ZBTB20: variants seen among roughly 807,000 people sequenced by gnomAD.
ZBTB20 encodes the protein zinc finger and BTB domain-containing protein 20.
ZBTB20 carries 9 observed loss-of-function variants against 56.9 expected under a neutral mutation model. The ratio of observed to expected loss-of-function variants is 0.16; its 90% CI spans 0.10 to 0.28. The LOEUF (loss-of-function observed/expected upper bound fraction) is 0.28. Ranked by LOEUF, ZBTB20 falls within the 10% of genes least tolerant of loss-of-function variation. The pLI is 1.00. For synonymous variants in ZBTB20, 417 were observed against 420.7 expected (o/e 0.99, Z 0.11); for missense variants, 655 against 1,003.0 (o/e 0.65, Z 4.69).
At chr3:114,346,806 G>A (rs1192125853) in intron 11 of ZBTB20, among the ~76,000 whole-genome samples, 2 of 148,030 alleles carry the variant, frequency 1.4e-5, no homozygotes, top group African/African-American at 2.5e-5. Context: ...CCATTTCAGC[G>A]TCCCAAGTAG....
At chr3:114,687,012 G>C (rs1267396316) in intron 6 of ZBTB20, among the ~76,000 whole-genome samples, 1 of 152,116 alleles carries the variant, frequency 6.6e-6, no homozygotes, top group Non-Finnish European at 1.5e-5. Flanking sequence ...AAAATACGCA[G>C]AGTAATAGAA....
At chr3:115,105,531 C>A (rs1378841693) in intron 1 of ZBTB20, among the ~76,000 whole-genome samples, 1 of 152,136 alleles carries the variant, frequency 6.6e-6, no homozygotes, top group East Asian at 1.9e-4. Context: ...CTGATGATTT[C>A]TTACCCTATC....
At chr3:115,088,859 G>C (rs778779098) in intron 1 of ZBTB20, among the ~76,000 whole-genome samples, 2 of 151,774 alleles carry the variant, frequency 1.3e-5, no homozygotes, top group African/African-American at 2.4e-5. Flanking sequence ...CCATGAAATT[G>C]TTGTGTTTCA....
At chr3:115,066,267 CT>C (rs959432085) in intron 2 of ZBTB20, among the ~76,000 whole-genome samples, 17 of 149,292 alleles carry the variant, frequency 1.1e-4, no homozygotes, top group Non-Finnish European at 1.8e-4. Context: ...TAAAATAGTC[CT>C]TTTTTTTTTC....
At chr3:115,090,192 GAAGT>G (rs1158629171) in intron 1 of ZBTB20, among the ~76,000 whole-genome samples, 2 of 151,706 alleles carry the variant, frequency 1.3e-5, no homozygotes, top group Non-Finnish European at 3.0e-5. Context: ...CGAGTTTTCT[GAAGT>G]ATGTGGGCCA....
At chr3:114,384,130 T>TTCTC (rs892528946) in intron 8 of ZBTB20, among the ~76,000 whole-genome samples, 9 of 98,740 alleles carry the variant, frequency 9.1e-5, no homozygotes, top group South Asian at 6.7e-4. Flanking sequence ...CTCTCTCTCA[T>TTCTC]TCTCTCTCTC....
At chr3:114,730,168 C>T (rs2065628041) in intron 5 of ZBTB20, among the ~76,000 whole-genome samples, 1 of 151,812 alleles carries the variant, frequency 6.6e-6, no homozygotes, top group Non-Finnish European at 1.5e-5. Context: ...ATATGACAAT[C>T]ATCTGTTTAA....
At chr3:115,136,237 G>A (rs1340635370) in intron 1 of ZBTB20, among the ~76,000 whole-genome samples, 1 of 152,030 alleles carries the variant, frequency 6.6e-6, no homozygotes, top group Admixed American at 6.6e-5. Flanking sequence ...GTACAAACAC[G>A]TTGGGTCTTG....
intron 4 of ZBTB20, chr3:114,861,770 T>C (rs2075545239): frequency 6.6e-6 from 1 of 151,988 alleles, no homozygotes; most frequent in South Asian, 2.1e-4. Context: ...ACTCTTGTAA[T>C]TGGAGTGCAT....
At chr3:115,036,665 G>A (rs1265785805) in intron 2 of ZBTB20, among the ~76,000 whole-genome samples, 4 of 152,056 alleles carry the variant, frequency 2.6e-5, no homozygotes, top group East Asian at 1.9e-4. Context: ...TGCCTGCCTC[G>A]GCCTCCCAAA....
chr3:114,316,231 G>A lies in ZBTB20; in HGVS notation c.*22774C>T. ...TACTGCATTCGCATCGGATCAAGAT[G>A]GTTTCGCCCATTTTTCCTTTTTCAC... On this transcript the variant is annotated 3_prime_UTR_variant, in exon 12 of 12. Coordinates refer to ENST00000675478, the MANE Select transcript of ZBTB20 (RefSeq NM_001348800.3). 3.2e-6 allele frequency: 1 copy of A among 317,096 alleles called. No individual in the cohort carries two copies. The highest frequency in any genetic ancestry group is 5.9e-6 in the Non-Finnish European group (1 of 169,362). 19.6% of individuals were successfully genotyped at this position (317,096 alleles called of 1,614,324 possible). A position where few individuals can be genotyped will look rare whatever the true frequency, so the allele number is the denominator to read the frequency against.
chr3:114,316,330 G>C lies in ZBTB20; in HGVS notation c.*22675C>G. 2.5e-6 allele frequency: 1 copy of C among 401,272 alleles called. No homozygotes were observed. 24.9% of individuals were successfully genotyped at this position (401,272 alleles called of 1,614,324 possible). ...ACAGAAATGACCAAAGTCACTGCAAGTAGCTGTTTTTATTTTTTGTGATCT... is the reference window on the plus strand; with the variant it reads ...ACAGAAATGACCAAAGTCACTGCAACTAGCTGTTTTTATTTTTTGTGATCT... On this transcript the variant is annotated 3_prime_UTR_variant, in exon 12 of 12. Transcript: ENST00000675478.
At chr3:114,353,858 G>A (rs879667225) in intron 10 of ZBTB20, among the ~76,000 whole-genome samples, 2 of 152,202 alleles carry the variant, frequency 1.3e-5, no homozygotes, top group Non-Finnish European at 2.9e-5. Flanking sequence ...ACTGAGGCCA[G>A]AGAAACTAAG....
intron 6 of ZBTB20, among the ~76,000 whole-genome samples, chr3:114,577,867 A>C (rs1343463603): frequency 1.3e-5 from 2 of 152,244 alleles, no homozygotes; most frequent in Admixed American, 6.5e-5. Context: ...AGATAAAGGC[A>C]ACTGTAAAAC....
intron 3 of ZBTB20, among the ~76,000 whole-genome samples, chr3:114,943,082 T>C (rs1222837268): frequency 6.9e-6 from 1 of 145,368 alleles, no homozygotes; most frequent in African/African-American, 2.8e-5. Flanking sequence ...TCAGTAGTCT[T>C]ATACCAACGA....
rs148444349 is a variant in ZBTB20, at chr3:115,107,836, T to C, written c.-702-36422A>G. ...ATAAAAAGGAATGAGATCATGTCCT[T>C]TGCATGGACATAGATGAATCTGGAA... On this transcript the variant is annotated intron_variant, in intron 1 of 11. Transcript: ENST00000675478. Among the ~76,000 whole-genome samples, 159 of 152,304 alleles carry C rather than the reference T, an allele frequency of 1.0e-3. 1 individual carries two copies. Among genetic ancestry groups the C allele is most frequent in the African/African-American group, 3.8e-3 (158 of 41,568 alleles).
chr3:114,380,807 C>G lies in ZBTB20; in HGVS notation c.-20G>C. On this transcript the variant is annotated 5_prime_UTR_variant, in exon 9 of 12. Transcript: ENST00000675478. ...TAGCATTTGTCAGGAAGCTTAGAGACAGGACTCGTGGAGTAATGGGAGGAG... is the reference window on the plus strand; with the variant it reads ...TAGCATTTGTCAGGAAGCTTAGAGAGAGGACTCGTGGAGTAATGGGAGGAG... 2 of 1,508,244 alleles carry G rather than the reference C, an allele frequency of 1.3e-6. No homozygotes were observed. The highest frequency in any genetic ancestry group is 2.5e-5 in the East Asian group (1 of 39,838). 93.4% of individuals were successfully genotyped at this position (1,508,244 alleles called of 1,614,324 possible).
intron 5 of ZBTB20, among the ~76,000 whole-genome samples, chr3:114,790,286 T>C (rs1261475868): frequency 1.3e-5 from 2 of 152,178 alleles, no homozygotes; most frequent in East Asian, 3.8e-4. Context: ...CAATAAAAGC[T>C]ATTTAAAGAA....
chr3:114,780,076 A>G (rs941400752), intron 5 of ZBTB20, among the ~76,000 whole-genome samples: 3 of 152,208 alleles, frequency 2.0e-5, no homozygotes, highest in Non-Finnish European at 4.4e-5. Flanking sequence ...CAGACTTTAA[A>G]TCCTGAATAA....
Sources: allele counts gnomAD v4.1 joint callset (sites outside exome capture counted in the v4.1 genomes callset), GRCh38; gene constraint gnomAD v4.1.1; transcripts MANE v1.5; gene names NCBI Gene and HGNC (gene_info 2026-07-23, HGNC 2026-07-21).